The following KDM2B variants were observed in gnomAD, a reference collection of about 807,000 sequenced individuals.
The protein encoded by KDM2B is lysine-specific demethylase 2B.
KDM2B carries 26 observed loss-of-function variants against 150.0 expected under a neutral mutation model. The ratio of observed to expected loss-of-function variants is 0.17; its 90% confidence interval spans 0.13 to 0.24. KDM2B has a LOEUF of 0.24. Among genes scored for constraint, KDM2B ranks in the 10% least tolerant of loss-of-function variants. The pLI, the probability that KDM2B is intolerant of heterozygous loss-of-function variation, is 1.00. For missense variants in KDM2B, 1,265 were observed against 1,816.9 expected (o/e 0.70, Z 5.52); for synonymous variants, 734 against 729.5 (o/e 1.01, Z -0.10).
At chr12:121,435,967 G>A (rs1387280786) in intron 22 of KDM2B, among the ~76,000 whole-genome samples, 1 of 152,196 alleles carries the variant, frequency 6.6e-6, no homozygotes, top group Non-Finnish European at 1.5e-5. Context: ...GAGGGCCTCT[G>A]CTGAAGGCCA....
chr12:121,570,331 C>T (rs1050559858), intron 4 of KDM2B, among the ~76,000 whole-genome samples: 2 of 152,050 alleles, frequency 1.3e-5, no homozygotes, highest in Non-Finnish European at 2.9e-5. Context: ...GGATTCCAAG[C>T]GTGAGCCACT....
chr12:121,464,290 C>G (rs1555294351), intron 12 of KDM2B, among the ~76,000 whole-genome samples: 1 of 152,222 alleles, frequency 6.6e-6, no homozygotes, highest in African/African-American at 2.4e-5. Flanking sequence ...TAGGAGACAC[C>G]TCTTCAACTT....
the KDM2B span, among the ~76,000 whole-genome samples, chr12:121,414,094 G>C: frequency 6.6e-6 from 1 of 152,158 alleles, no homozygotes; most frequent in Non-Finnish European, 1.5e-5. Flanking sequence ...TGCATTTTAA[G>C]GTTGAGGGCT....
intron 4 of KDM2B, among the ~76,000 whole-genome samples, chr12:121,561,340 T>A (rs1382559877): frequency 6.6e-6 from 1 of 152,122 alleles, no homozygotes; most frequent in East Asian, 1.9e-4. Context: ...TCCTCACATT[T>A]CTGGACTGGT....
the KDM2B span, chr12:121,420,807 T>C: frequency 1.2e-5 from 18 of 1,559,514 alleles, no homozygotes; most frequent in Admixed American, 1.7e-5. Context: ...TTTTTCCCTG[T>C]AGTATTTTTC....
At chr12:121,554,836 G>GA (rs1417621041) in intron 4 of KDM2B, among the ~76,000 whole-genome samples, 2 of 152,152 alleles carry the variant, frequency 1.3e-5, no homozygotes, top group Non-Finnish European at 2.9e-5. Context: ...ATGTGGACCA[G>GA]AAAAAACAAA....
chr12:121,410,402 T>C, the KDM2B span, among the ~76,000 whole-genome samples: 1 of 151,764 alleles, frequency 6.6e-6, no homozygotes, highest in Non-Finnish European at 1.5e-5. Context: ...CCGGGTGTGG[T>C]GGTGGGTGCC....
intron 1 of KDM2B, among the ~76,000 whole-genome samples, chr12:121,579,260 G>C (rs1251209318): frequency 2.0e-5 from 3 of 152,222 alleles, no homozygotes; most frequent in African/African-American, 7.2e-5. Flanking sequence ...ACTCGGCCGG[G>C]AGCCTGGTTA....
rs946988827 is a variant in KDM2B at position 121,513,212 on chromosome 12, C to A, written c.1174+64G>T. 1.2e-5 allele frequency: 19 copies of A among 1,587,348 alleles called. No homozygotes were observed. Among genetic ancestry groups the A allele is most frequent in the Non-Finnish European group, 1.5e-5 (17 of 1,159,838 alleles). ...ACTCAGGGAGTGTCTCCAGGCCCCA[C>A]TGAGAAAATGATTTCTGCCCCAGCT... On this transcript the variant is annotated intron_variant, in intron 10 of 22. Coordinates refer to ENST00000377071, the MANE Select transcript of KDM2B (RefSeq NM_032590.5). This position sits in a 1 kb window ranked among gnomAD's most constrained non-coding sequence, Gnocchi z 5.0.
rs782556635 is a variant in KDM2B, at chr12:121,509,911, C to A, written c.1303G>T (p.Ala435Ser). 2 of 1,612,690 alleles carry A rather than the reference C, an allele frequency of 1.2e-6. No individual in the cohort carries two copies. The highest frequency in any genetic ancestry group is 1.7e-6 in the Non-Finnish European group (2 of 1,179,738). The change falls in exon 11 of 23, where the codon GCA becomes TCA. Residue 435 changes from alanine (A) to serine (S), a missense_variant. By Grantham distance (99) the Ala-to-Ser change is moderately conservative. Transcript: ENST00000377071. ...GAGCCATCGGTGGGCGGTTTGGGTGCCCTGTCCCTGCCCTCGCCCTCCTCG... is the reference window on the plus strand; with the variant it reads ...GAGCCATCGGTGGGCGGTTTGGGTGACCTGTCCCTGCCCTCGCCCTCCTCG... ...KDEEGEGRDR[A>S]PKPPTDGSTS...
At chr12:121,436,349 G>A (rs958002700) in intron 22 of KDM2B, among the ~76,000 whole-genome samples, 7 of 151,970 alleles carry the variant, frequency 4.6e-5, no homozygotes, top group Admixed American at 1.3e-4. Flanking sequence ...GTGAAACCCC[G>A]TCTCTACTAA....
chr12:121,573,639 C>T (rs1891284131), intron 4 of KDM2B, among the ~76,000 whole-genome samples: 1 of 150,476 alleles, frequency 6.6e-6, no homozygotes, highest in Non-Finnish European at 1.5e-5. Context: ...GGCTGGAGCG[C>T]AGTGGCGCCA....
At chr12:121,490,059 T>G (rs143887591) in intron 12 of KDM2B, among the ~76,000 whole-genome samples, 1 of 152,308 alleles carries the variant, frequency 6.6e-6, no homozygotes, top group African/African-American at 2.4e-5. Context: ...CCTCTCTCAC[T>G]GAATCACGTG....
intron 13 of KDM2B, among the ~76,000 whole-genome samples, chr12:121,448,305 G>C (rs1387075054): frequency 8.8e-5 from 9 of 102,144 alleles, no homozygotes; most frequent in Non-Finnish European, 1.6e-4. Flanking sequence ...GAGCGACACA[G>C]CAAGACTCTG....
chr12:121,421,389 AAAAAAAAAAC>A, the KDM2B span, among the ~76,000 whole-genome samples: 1 of 146,996 alleles, frequency 6.8e-6, no homozygotes, highest in African/African-American at 2.5e-5. Flanking sequence ...AAAAAAAAAA[AAAAAAAAAAC>A]CAAAAAAACC....
chr12:121,458,181 A>C (rs1878554767), intron 12 of KDM2B, among the ~76,000 whole-genome samples: 2 of 151,930 alleles, frequency 1.3e-5, no homozygotes, highest in Admixed American at 6.6e-5. Flanking sequence ...TCAGGAGTTC[A>C]AGACCAGCCT....
rs544931522 is a variant in KDM2B, at chr12:121,520,820, C to T, written c.1047+165G>A. 1.2e-3 allele frequency among the ~76,000 whole-genome samples: 176 copies of T among 146,700 alleles called. 1 individual carries two copies. Among genetic ancestry groups the T allele is most frequent in the Non-Finnish European group, 2.0e-3 (133 of 66,904 alleles). On this transcript the variant is annotated intron_variant, in intron 9 of 22. Coordinates refer to ENST00000377071, the MANE Select transcript of KDM2B (RefSeq NM_032590.5). This position sits in a 1 kb window ranked among gnomAD's most constrained non-coding sequence, Gnocchi z 4.5. ...TGTGGCTCCTACAGGCATTCCCCTGCCCCCCCTCCCCCGCCACAGAACCAG... is the reference window on the plus strand; with the variant it reads ...TGTGGCTCCTACAGGCATTCCCCTGTCCCCCCTCCCCCGCCACAGAACCAG...
chr12:121,466,782 C>A (rs1880031047), intron 12 of KDM2B, among the ~76,000 whole-genome samples: 1 of 146,582 alleles, frequency 6.8e-6, no homozygotes, highest in Non-Finnish European at 1.5e-5. Flanking sequence ...CCGGCACGCG[C>A]GTGGGCCGCG....
At chr12:121,524,018 C>T (rs559470052) in intron 8 of KDM2B, among the ~76,000 whole-genome samples, 6 of 152,316 alleles carry the variant, frequency 3.9e-5, no homozygotes, top group African/African-American at 1.4e-4. Context: ...CCAAGTGGAA[C>T]CATGCTATTG....
Sources: allele counts gnomAD v4.1 joint callset (sites outside exome capture counted in the v4.1 genomes callset), GRCh38; gene constraint gnomAD v4.1.1; non-coding constraint Gnocchi (gnomAD v3.1); transcripts MANE v1.5; gene names NCBI Gene and HGNC (gene_info 2026-07-23, HGNC 2026-07-21).